The following TMPRSS15 variants were observed in gnomAD, a reference collection of about 807,000 sequenced individuals.
The protein encoded by TMPRSS15 is enteropeptidase.
Under a neutral mutation model 125.3 loss-of-function variants are expected in TMPRSS15, and 128 were observed. The observed-to-expected ratio is 1.02, with a 90% confidence interval of 0.89 to 1.18. The LOEUF (loss-of-function observed/expected upper bound fraction) is 1.18. TMPRSS15 is among the 50% of genes most tolerant of loss of function. The pLI is 0.00. For synonymous variants in TMPRSS15, 446 were observed against 423.2 expected, an observed-to-expected ratio of 1.05 and a Z score of -0.66; for missense variants, 1,283 against 1,212.7, an observed-to-expected ratio of 1.06 and a Z score of -0.86.
At position 18,383,660 on chromosome 21, in the gene TMPRSS15, A is replaced by G; in HGVS notation, c.463T>C (p.Phe155Leu). ...TCAACGCTGTTCAAATCAATATGGA[A>G]AGTGACCAGTTGGCTGGATTTATTT... ...EANKSSQLVT[F>L]HIDLNSVDIL... Residue 155 changes from phenylalanine (F) to leucine (L), a missense_variant, in exon 4 of 25, where the codon TTC (phenylalanine) becomes CTC (leucine). Physicochemically the swap from Phe to Leu is conservative, Grantham distance 22. Coordinates refer to ENST00000284885, the MANE Select transcript of TMPRSS15 (RefSeq NM_002772.3). The G allele has an allele frequency of 6.2e-7, 1 of 1,614,002 alleles. No homozygotes were observed. Among genetic ancestry groups the G allele is most frequent in the Non-Finnish European group, 8.5e-7 (1 of 1,179,950 alleles).
intron 16 of TMPRSS15, among the ~76,000 whole-genome samples, chr21:18,324,950 C>T (rs1199545797): frequency 6.6e-6 from 1 of 152,102 alleles, no homozygotes; most frequent in African/African-American, 2.4e-5. Flanking sequence ...ATAGTATAAT[C>T]ATCAGCAACA....
intron 16 of TMPRSS15, 39 bp downstream of exon 16, chr21:18,326,393 C>T (rs962787632): frequency 6.2e-7 from 1 of 1,613,856 alleles, no homozygotes; most frequent in Non-Finnish European, 8.5e-7. Flanking sequence ...TGTTTTGCTC[C>T]AAAAGTTATG....
intron 21 of TMPRSS15, 60 bp downstream of exon 21, chr21:18,294,210 G>C (rs751113625): frequency 6.2e-7 from 1 of 1,601,664 alleles, no homozygotes; most frequent in South Asian, 1.1e-5. Flanking sequence ...GAAATGGGAC[G>C]CTTGGCAGTG....
intron 1 of TMPRSS15, among the ~76,000 whole-genome samples, chr21:18,484,276 C>T (rs1226554312): frequency 6.6e-6 from 1 of 151,808 alleles, no homozygotes; most frequent in Non-Finnish European, 1.5e-5. Flanking sequence ...AAAACAAAAG[C>T]TTAGTCTTTA....
rs186293030 is a variant in TMPRSS15, at chr21:18,421,566, T to C, written c.11-23237A>G. Among the ~76,000 whole-genome samples the C allele has an allele frequency of 1.2e-4, 19 of 152,296 alleles. No homozygotes were observed. In the East Asian group the frequency reaches 3.5e-3, roughly 28 times the overall value. On this transcript the variant is annotated intron_variant, in intron 1 of 7. Transcript: ENST00000422787. ...ATTAATGAAGTTGTAACCAGTGTTT[T>C]AATTTAGGAATGCCAAAGGTCAGTA...
At chr21:18,451,645 A>G (rs1191570493) in intron 1 of TMPRSS15, among the ~76,000 whole-genome samples, 1 of 152,198 alleles carries the variant, frequency 6.6e-6, no homozygotes, top group Admixed American at 6.5e-5. Context: ...CTGCAATTAC[A>G]AAATATATTT....
At chr21:18,380,470 G>C in intron 4 of TMPRSS15, 1 of 442,666 alleles carries the variant, frequency 2.3e-6, no homozygotes, top group South Asian at 1.7e-5. Context: ...AGAAAAAAAT[G>C]TATATTTTCC....
intron 18 of TMPRSS15, among the ~76,000 whole-genome samples, chr21:18,307,213 C>G (rs1019979378): frequency 2.6e-5 from 4 of 152,184 alleles, no homozygotes; most frequent in Admixed American, 6.5e-5. Flanking sequence ...AGATTAAAGT[C>G]TTTGCAGAGA....
At chr21:18,325,460 G>T (rs1427524843) in intron 16 of TMPRSS15, among the ~76,000 whole-genome samples, 1 of 152,064 alleles carries the variant, frequency 6.6e-6, no homozygotes, top group Non-Finnish European at 1.5e-5. Flanking sequence ...AAAAGCCCTG[G>T]TCAGTTGTGA....
At chr21:18,324,076 T>C (rs2075266322) in intron 16 of TMPRSS15, among the ~76,000 whole-genome samples, 1 of 152,136 alleles carries the variant, frequency 6.6e-6, no homozygotes, top group African/African-American at 2.4e-5. Flanking sequence ...ATAACACTGA[T>C]TCTTGCTCAT....
intron 7 of TMPRSS15, among the ~76,000 whole-genome samples, chr21:18,363,368 T>G (rs947304311): frequency 2.0e-5 from 3 of 152,106 alleles, no homozygotes; most frequent in Non-Finnish European, 4.4e-5. Flanking sequence ...CATTTTTAAT[T>G]AATATAGGAT....
rs2075117746 is a variant in TMPRSS15 at position 18,313,018 on chromosome 21, T to C, written c.2092A>G (p.Ile698Val). The C allele has an allele frequency of 6.2e-7, 1 of 1,614,122 alleles. No individual in the cohort carries two copies. Among genetic ancestry groups the C allele is most frequent in the Non-Finnish European group, 8.5e-7 (1 of 1,179,992 alleles). Residue 698 changes from isoleucine (I) to valine (V), a missense_variant, in exon 18 of 25, where the codon ATA (isoleucine) becomes GTA (valine). By Grantham distance (29) the Ile-to-Val change is conservative (BLOSUM62 3). Transcript: ENST00000284885. ...TTCTCAGCACAAGCTGTATGCCATA[T>C]GCTCTGGATTCTGAACCGCACTAAA... ...NGLVRFRIQS[I>V]WHTACAENWT...
chr21:18,310,982 G>C (rs960155864), intron 18 of TMPRSS15, among the ~76,000 whole-genome samples: 3 of 150,834 alleles, frequency 2.0e-5, no homozygotes, highest in Non-Finnish European at 4.4e-5. Flanking sequence ...CATTCACTGG[G>C]GGGGAAGAAC....
intron 19 of TMPRSS15, 113 bp from the exon 20 acceptor site, chr21:18,294,765 A>T: frequency 1.1e-6 from 1 of 901,108 alleles, no homozygotes; most frequent in Non-Finnish European, 1.8e-6. Flanking sequence ...TTAATGTCTC[A>T]TATATGAAAT....
chr21:18,269,730 C>A lies in TMPRSS15; in HGVS notation c.*239G>T. 1 of 439,108 alleles carries A rather than the reference C, an allele frequency of 2.3e-6. No individual in the cohort carries two copies. Among genetic ancestry groups the A allele is most frequent in the Non-Finnish European group, 4.1e-6 (1 of 243,834 alleles). 27.2% of individuals were successfully genotyped at this position (439,108 alleles called of 1,614,324 possible). A position where few individuals can be genotyped will look rare whatever the true frequency, so the allele number is the denominator to read the frequency against. Reference sequence around the variant, plus strand: ...AAAAATGAGATCTGTGAAGAAATACCTGTTCACAATGAAATACAAATGTAT... The same window carrying A: ...AAAAATGAGATCTGTGAAGAAATACATGTTCACAATGAAATACAAATGTAT... On this transcript the variant is annotated 3_prime_UTR_variant, in exon 25 of 25. Coordinates refer to ENST00000284885, the MANE Select transcript of TMPRSS15 (RefSeq NM_002772.3).
At chr21:18,420,693 T>C (rs562562272) in intron 1 of TMPRSS15, among the ~76,000 whole-genome samples, 2 of 152,318 alleles carry the variant, frequency 1.3e-5, no homozygotes, top group Non-Finnish European at 2.9e-5. Context: ...AAGAGAGTTT[T>C]TCAAATAGCA....
intron 23 of TMPRSS15, among the ~76,000 whole-genome samples, chr21:18,278,679 G>A (rs1008216348): frequency 2.0e-5 from 3 of 152,064 alleles, no homozygotes; most frequent in African/African-American, 4.8e-5. Flanking sequence ...TCAAGATGGC[G>A]CCACTGCACT....
In TMPRSS15 at chr21:18,315,145, C is replaced by A. The variant is rs1457716246; in HGVS notation, c.2032+1G>T. 1 of 1,611,042 alleles carries A rather than the reference C, an allele frequency of 6.2e-7. No individual in the cohort carries two copies. Among genetic ancestry groups the A allele is most frequent in the Non-Finnish European group, 8.5e-7 (1 of 1,177,916 alleles). Reference sequence around the variant, plus strand: ...AGTATTTTCCTAAAAATAAGACATACCACAATCTGCTTCATCTGAGCCATC... The same window carrying A: ...AGTATTTTCCTAAAAATAAGACATAACACAATCTGCTTCATCTGAGCCATC... On this transcript the variant is annotated splice_donor_variant, in intron 17 of 24. Transcript: ENST00000284885. LOFTEE classifies it high-confidence loss of function.
At chr21:18,340,403 C>A (rs1371927982) in intron 13 of TMPRSS15, among the ~76,000 whole-genome samples, 1 of 152,154 alleles carries the variant, frequency 6.6e-6, no homozygotes, top group African/African-American at 2.4e-5. Flanking sequence ...AGACTGAAGG[C>A]TGCACAATCA....
Sources: gnomAD v4.1 joint callset for allele counts (sites outside exome capture counted in the v4.1 genomes callset) on GRCh38, gnomAD v4.1.1 for gene constraint, MANE v1.5 for transcripts, NCBI Gene and HGNC (gene_info 2026-07-23, HGNC 2026-07-21) for gene names.